ATP5F1C: variants seen among roughly 807,000 people sequenced by gnomAD.
ATP5F1C encodes the protein ATP synthase F(1) complex subunit gamma, mitochondrial.
ATP5F1C carries 22 observed loss-of-function variants against 37.4 expected under a neutral mutation model. That is an observed-to-expected ratio of 0.59 (90% CI 0.42 to 0.84). ATP5F1C has a LOEUF of 0.84. ATP5F1C is among the 40% of genes least tolerant of loss of function. The pLI is 0.00. For synonymous variants in ATP5F1C, 121 were observed against 128.0 expected (o/e 0.95, Z 0.37); for missense variants, 286 against 362.4 (o/e 0.79, Z 1.71).
At chr10:7,798,220 T>C (rs1836278841) in intron 3 of ATP5F1C, among the ~76,000 whole-genome samples, 1 of 151,938 alleles carries the variant, frequency 6.6e-6, no homozygotes, top group African/African-American at 2.4e-5. Context: ...GTTTTGTTGT[T>C]GTTTTTTGTT....
At chr10:7,798,054 T>A (rs780903963) in intron 3 of ATP5F1C, among the ~76,000 whole-genome samples, 2 of 152,206 alleles carry the variant, frequency 1.3e-5, no homozygotes, top group Non-Finnish European at 2.9e-5. Context: ...TGCTGTCTTA[T>A]CCTGAGTTGA....
chr10:7,795,788 T>C (rs1415309345), intron 1 of ATP5F1C, among the ~76,000 whole-genome samples: 1 of 152,080 alleles, frequency 6.6e-6, no homozygotes, highest in African/African-American at 2.4e-5. Context: ...GTTGGGCAGC[T>C]TAACAAGGGG....
intron 8 of ATP5F1C, among the ~76,000 whole-genome samples, chr10:7,805,942 C>T (rs1836471314): frequency 6.6e-6 from 1 of 151,818 alleles, no homozygotes; most frequent in South Asian, 2.1e-4. Context: ...AAAAATTAGC[C>T]AGGCCTGGTG....
chr10:7,796,972 A>G, intron 2 of ATP5F1C, 75 bp from the exon 3 acceptor site: 6 of 1,528,198 alleles, frequency 3.9e-6, no homozygotes, highest in Non-Finnish European at 5.3e-6. Context: ...TGCACTTCAG[A>G]AAAATATGTC....
At chr10:7,793,412 C>T (rs892487153) in intron 1 of ATP5F1C, among the ~76,000 whole-genome samples, 2 of 152,236 alleles carry the variant, frequency 1.3e-5, no homozygotes, top group Admixed American at 6.5e-5. Context: ...GCACCTGGCC[C>T]TGCCATCTGT....
At chr10:7,796,011 GTTTC>G in intron 1 of ATP5F1C, 106 bp from the exon 2 acceptor site, 2 of 796,950 alleles carry the variant, frequency 2.5e-6, no homozygotes, top group Non-Finnish European at 4.0e-6. Context: ...TTGATAGATT[GTTTC>G]TTTATGGGGT....
intron 7 of ATP5F1C, 127 bp from the exon 8 acceptor site, chr10:7,802,631 A>C (rs756600279): frequency 7.3e-5 from 84 of 1,146,700 alleles, no homozygotes; most frequent in Non-Finnish European, 9.9e-5. Flanking sequence ...TCTTCATAAC[A>C]TTATTTGAGA....
chr10:7,799,200 T>A lies in ATP5F1C; in HGVS notation c.428+6T>A, dbSNP rs1299083481. On this transcript the variant is annotated splice_donor_region_variant and intron_variant, in intron 4 of 9. Transcript: ENST00000356708. The stretch of plus-strand genomic sequence containing the variant: ...ATCAGAGGCATACTTTATAGGTAAT[T>A]TAAATATATATTGTTTATTTTCATA... 1.2e-6 allele frequency: 2 copies of A among 1,608,546 alleles called. No individual in the cohort carries two copies. The highest frequency in any genetic ancestry group is 1.7e-6 in the Non-Finnish European group (2 of 1,176,024).
At chr10:7,795,638 T>C (rs1836225533) in intron 1 of ATP5F1C, among the ~76,000 whole-genome samples, 2 of 152,222 alleles carry the variant, frequency 1.3e-5, no homozygotes, top group African/African-American at 2.4e-5. Flanking sequence ...TTGAGCTAAA[T>C]TGAAAAAGTT....
intron 3 of ATP5F1C, among the ~76,000 whole-genome samples, chr10:7,797,596 G>C (rs1032104327): frequency 6.6e-6 from 1 of 152,174 alleles, no homozygotes; most frequent in Non-Finnish European, 1.5e-5. Flanking sequence ...TGCGTTAGAT[G>C]TAAGGGCTTA....
At chr10:7,795,671 CT>C (rs1836226025) in intron 1 of ATP5F1C, among the ~76,000 whole-genome samples, 1 of 152,158 alleles carries the variant, frequency 6.6e-6, no homozygotes, top group African/African-American at 2.4e-5. Flanking sequence ...ATATAAACTA[CT>C]TTTACACGTG....
At chr10:7,795,336 A>G (rs191038628) in intron 1 of ATP5F1C, among the ~76,000 whole-genome samples, 1 of 152,226 alleles carries the variant, frequency 6.6e-6, no homozygotes, top group East Asian at 1.9e-4. Context: ...TTGCCTGCAA[A>G]CACAGGCACT....
chr10:7,792,949 A>G (rs957209761), intron 1 of ATP5F1C, among the ~76,000 whole-genome samples: 7 of 152,216 alleles, frequency 4.6e-5, no homozygotes, highest in East Asian at 1.9e-4. Context: ...CCAGCCATCA[A>G]TGAGAGTTCC....
chr10:7,798,723 ATT>A lies in ATP5F1C; in HGVS notation c.224-265_224-264del, dbSNP rs1273240565. 3.4e-5 allele frequency among the ~76,000 whole-genome samples: 5 copies of A among 149,236 alleles called. No homozygotes were observed. The Admixed American group carries it at 3.4e-4, about 10-fold the overall frequency. ...TTTTTATATTTTTAATAGAGACGGGATTTCACTACGTTGGCCAGGCCGGTCTC... is the reference window on the plus strand; with the variant it reads ...TTTTTATATTTTTAATAGAGACGGGATCACTACGTTGGCCAGGCCGGTCTC... On this transcript the variant is annotated intron_variant, in intron 3 of 9. Coordinates refer to ENST00000356708, the MANE Select transcript of ATP5F1C (RefSeq NM_001001973.3).
At chr10:7,789,803 CA>C (rs1206887579) in intron 1 of ATP5F1C, among the ~76,000 whole-genome samples, 1 of 152,126 alleles carries the variant, frequency 6.6e-6, no homozygotes, top group Non-Finnish European at 1.5e-5. Flanking sequence ...CAATATTTTA[CA>C]AAAAATTTTA....
At position 7,807,639 on chromosome 10, in the gene ATP5F1C, T is replaced by C. The variant is rs774791070; in HGVS notation, c.*31-20T>C. 2.5e-6 allele frequency: 4 copies of C among 1,606,308 alleles called. No individual in the cohort carries two copies. Among genetic ancestry groups the C allele is most frequent in the Admixed American group, 3.4e-5 (2 of 59,136 alleles). Reference sequence around the variant, plus strand: ...AAAATGCTGTTTGATTTCTTACTTGTTCTGTACTTTGTTTTTCAGGTAAAG... The same window carrying C: ...AAAATGCTGTTTGATTTCTTACTTGCTCTGTACTTTGTTTTTCAGGTAAAG... On this transcript the variant is annotated intron_variant, in intron 9 of 9. Transcript: ENST00000356708.
At chr10:7,794,026 G>C (rs1431843685) in intron 1 of ATP5F1C, among the ~76,000 whole-genome samples, 1 of 152,070 alleles carries the variant, frequency 6.6e-6, no homozygotes, top group African/African-American at 2.4e-5. Context: ...TCAGTTTATT[G>C]ATATCCACAA....
In ATP5F1C at chr10:7,788,178, T is replaced by A. The variant is rs1462142484; in HGVS notation, c.-30T>A. On this transcript the variant is annotated 5_prime_UTR_variant, in exon 1 of 10. Coordinates refer to ENST00000356708, the MANE Select transcript of ATP5F1C (RefSeq NM_001001973.3). ...CGGCGCATGCGCGCTGAGGCCTGCCTGACCGACCTTCAGCAGGGCTGTGGC... is the reference window on the plus strand; with the variant it reads ...CGGCGCATGCGCGCTGAGGCCTGCCAGACCGACCTTCAGCAGGGCTGTGGC... 5.0e-6 allele frequency: 8 copies of A among 1,612,042 alleles called. No homozygotes were observed. The highest frequency in any genetic ancestry group is 6.8e-6 in the Non-Finnish European group (8 of 1,179,738).
chr10:7,796,730 G>A (rs1229959268), intron 2 of ATP5F1C: 5 of 165,366 alleles, frequency 3.0e-5, no homozygotes, highest in Admixed American at 6.5e-5. Flanking sequence ...GACTACAGGC[G>A]CCCGCCACCA....
Sources: allele counts gnomAD v4.1 joint callset (sites outside exome capture counted in the v4.1 genomes callset), GRCh38; gene constraint gnomAD v4.1.1; transcripts MANE v1.5; gene names NCBI Gene and HGNC (gene_info 2026-07-23, HGNC 2026-07-21).